Variants in TRIO observed in about 807,000 individuals in gnomAD.
TRIO encodes the protein triple functional domain protein.
A neutral mutation model predicts 351.9 loss-of-function variants in TRIO; 58 were observed. The observed-to-expected ratio is 0.16, with a 90% confidence interval of 0.13 to 0.21. TRIO has a LOEUF of 0.21. Ranked by LOEUF, TRIO falls within the 10% of genes least tolerant of loss-of-function variation. TRIO has a pLI of 1.00. For synonymous variants in TRIO, 1,758 were observed against 1,595.7 expected (o/e 1.10, Z -2.42); for missense variants, 3,201 against 4,027.8 (o/e 0.79, Z 5.56).
At position 14,471,077 on chromosome 5, in the gene TRIO, A is replaced by G. The variant is rs113415178; in HGVS notation, c.5764-241A>G. Among the ~76,000 whole-genome samples, 16 of 148,892 alleles carry G rather than the reference A, an allele frequency of 1.1e-4. 1 individual carries two copies. The highest frequency in any genetic ancestry group is 3.5e-4 in the African/African-American group (14 of 40,130). ...TTGATAACAAGAAATAGAATATATT[A>G]ATGTATGTAAATTCACTATCCTTTT... On this transcript the variant is annotated intron_variant, in intron 37 of 56. Coordinates refer to ENST00000344204, the MANE Select transcript of TRIO (RefSeq NM_007118.4).
At chr5:14,220,064 T>TTA (rs1554035741) in intron 1 of TRIO, among the ~76,000 whole-genome samples, 6 of 149,248 alleles carry the variant, frequency 4.0e-5, no homozygotes, top group Admixed American at 2.7e-4. Context: ...TTTTTTTTTT[T>TTA]AAAAACAAAT....
intron 40 of TRIO, among the ~76,000 whole-genome samples, chr5:14,476,356 C>G (rs1346589493): frequency 6.6e-6 from 1 of 152,206 alleles, no homozygotes; most frequent in East Asian, 1.9e-4. Context: ...GATATACAGT[C>G]GTGCCTCATC....
chr5:14,182,957 G>A (rs912568236), intron 1 of TRIO, among the ~76,000 whole-genome samples: 2 of 151,814 alleles, frequency 1.3e-5, no homozygotes, highest in African/African-American at 2.4e-5. Context: ...TGGCTGTAGC[G>A]CATCATCCTT....
Position 14,487,991 on chromosome 5 carries a change from T to TCGC in TRIO, c.7367_7369dup (p.Pro2456dup), listed in dbSNP as rs1372483684. 5.1e-6 allele frequency: 8 copies of TCGC among 1,561,732 alleles called. No individual in the cohort carries two copies. Among genetic ancestry groups the TCGC allele is most frequent in the Non-Finnish European group, 6.9e-6 (8 of 1,154,358 alleles). ...TGGGAAGCCCCGGGCCGGGGCCGCTTCGCCGCTGAACTCGCCGCTCTCCAG... is the reference window on the plus strand; with the variant it reads ...TGGGAAGCCCCGGGCCGGGGCCGCTTCGCCGCCGCTGAACTCGCCGCTCTCCAG... On this transcript the variant is annotated inframe_insertion, in exon 48 of 57. Coordinates refer to ENST00000344204, the MANE Select transcript of TRIO (RefSeq NM_007118.4).
chr5:14,185,478 A>G (rs893404494), intron 1 of TRIO, among the ~76,000 whole-genome samples: 1 of 152,214 alleles, frequency 6.6e-6, no homozygotes, highest in Non-Finnish European at 1.5e-5. Context: ...GCAGGCTCCC[A>G]GGCCCAGACT....
chr5:14,333,725 CA>C (rs1174896376), intron 10 of TRIO, among the ~76,000 whole-genome samples: 1 of 152,168 alleles, frequency 6.6e-6, no homozygotes, highest in Non-Finnish European at 1.5e-5. Context: ...AGCAAAGTCT[CA>C]TGCACCTTTG....
chr5:14,419,711 C>A, intron 33 of TRIO, 67 bp from the exon 34 acceptor site: 1 of 1,581,286 alleles, frequency 6.3e-7, no homozygotes. Context: ...GAGGACTTCC[C>A]AGCTGTACCT....
Position 14,330,870 on chromosome 5 carries a change from A to G in TRIO, c.1824A>G (p.Lys608=), listed in dbSNP as rs199534371. The G allele has an allele frequency of 2.5e-6, 4 of 1,614,186 alleles. No homozygotes were observed. Among genetic ancestry groups the G allele is most frequent in the Middle Eastern group, 1.7e-4 (1 of 6,060 alleles). ...KSLHRARALQ[K]RHEDFEEVAQ... ...TTCATCGGGCCAGAGCATTGCAGAA[A>G]CGTCATGAAGATTTTGAAGAAGTGG... The change falls in exon 10 of 57, where the codon AAA becomes AAG. Residue 608 remains lysine, a synonymous_variant. Coordinates refer to ENST00000344204, the MANE Select transcript of TRIO (RefSeq NM_007118.4).
rs956204766 is a variant in TRIO, at chr5:14,472,729, C to G, written c.5979+71C>G. 31 of 1,467,480 alleles carry G rather than the reference C, an allele frequency of 2.1e-5. No individual in the cohort carries two copies. The African/African-American group carries it at 4.2e-4, about 20-fold the overall frequency. 90.9% of individuals were successfully genotyped at this position (1,467,480 alleles called of 1,614,324 possible). ...TTGTCAAAAGTAGTATCGTTTTAGA[C>G]AGTTGAACACCTCTCAAAAGCTTTA... On this transcript the variant is annotated intron_variant, in intron 39 of 56. Coordinates refer to ENST00000344204, the MANE Select transcript of TRIO (RefSeq NM_007118.4).
At chr5:14,442,836 T>C (rs1171059437) in intron 34 of TRIO, among the ~76,000 whole-genome samples, 1 of 152,220 alleles carries the variant, frequency 6.6e-6, no homozygotes, top group East Asian at 1.9e-4. Flanking sequence ...TAGCTAGCTC[T>C]GAATCTTGAG....
chr5:14,143,921 C>A, intron 1 of TRIO, 39 bp downstream of exon 1: 1 of 1,052,534 alleles, frequency 9.5e-7, no homozygotes, highest in East Asian at 6.9e-5. Context: ...GCGGCGCTGC[C>A]CCAAGCGCTC....
At chr5:14,490,711 A>G (rs534287318) in intron 48 of TRIO, 1 of 441,688 alleles carries the variant, frequency 2.3e-6, no homozygotes, top group Non-Finnish European at 4.6e-6. Flanking sequence ...TGAAATGCCT[A>G]GTACATAGGA....
chr5:14,265,768 G>C (rs1365477922), intron 1 of TRIO, among the ~76,000 whole-genome samples: 1 of 152,204 alleles, frequency 6.6e-6, no homozygotes. Context: ...TGGGGTATTA[G>C]ATAGTTGAAG....
chr5:14,497,460 C>G lies in TRIO; in HGVS notation c.8020-387C>G, dbSNP rs1034059289. ...GGGACAACTTCAGTCAGCTTTAGTC[C>G]TATAATCGGATTGCCTGACACCTGC... On this transcript the variant is annotated intron_variant, in intron 50 of 56. Coordinates refer to ENST00000344204, the MANE Select transcript of TRIO (RefSeq NM_007118.4). This position sits in a 1 kb window ranked among gnomAD's most constrained non-coding sequence, Gnocchi z 4.4. 7.2e-5 allele frequency among the ~76,000 whole-genome samples: 11 copies of G among 152,142 alleles called. No homozygotes were observed. The highest frequency in any genetic ancestry group is 2.7e-4 in the African/African-American group (11 of 41,428).
chr5:14,264,060 T>C (rs951625533), intron 1 of TRIO, among the ~76,000 whole-genome samples: 5 of 152,324 alleles, frequency 3.3e-5, no homozygotes, highest in South Asian at 2.1e-4. Context: ...TTCCCTTCCA[T>C]TGGTCTGTGA....
At chr5:14,434,406 CTT>C (rs756528293) in intron 34 of TRIO, among the ~76,000 whole-genome samples, 6 of 152,080 alleles carry the variant, frequency 3.9e-5, no homozygotes, top group Non-Finnish European at 7.4e-5. Context: ...TCTTCTCTGA[CTT>C]TACCTACTTT....
chr5:14,144,542 C>T (rs1260057795), intron 1 of TRIO, among the ~76,000 whole-genome samples: 2 of 152,122 alleles, frequency 1.3e-5, no homozygotes, highest in Non-Finnish European at 2.9e-5. Context: ...GAGCCATTGT[C>T]TCCGGGGACG....
intron 34 of TRIO, among the ~76,000 whole-genome samples, chr5:14,444,870 A>G (rs26082): frequency 0.17 from 26,099 of 152,180 alleles, 2,487 homozygotes; most frequent in Admixed American, 0.24. Context: ...TATTAAAATT[A>G]GACTGAAACC....
At chr5:14,205,210 C>T (rs1791382167) in intron 1 of TRIO, among the ~76,000 whole-genome samples, 1 of 152,224 alleles carries the variant, frequency 6.6e-6, no homozygotes, top group Non-Finnish European at 1.5e-5. Flanking sequence ...GGCCTCAGCG[C>T]CAGGGAGGTG....
Sources: allele counts gnomAD v4.1 joint callset (sites outside exome capture counted in the v4.1 genomes callset), GRCh38; gene constraint gnomAD v4.1.1; non-coding constraint Gnocchi (gnomAD v3.1); transcripts MANE v1.5; gene names NCBI Gene and HGNC (gene_info 2026-07-23, HGNC 2026-07-21).